EXD1: variants seen among roughly 807,000 people sequenced by gnomAD.
EXD1 encodes piRNA biogenesis protein EXD1.
A neutral mutation model predicts 49.1 loss-of-function variants in EXD1; 63 were observed. That is an observed-to-expected ratio of 1.28 (90% CI 1.05 to 1.58). EXD1 has a LOEUF of 1.58. Ranked by LOEUF, EXD1 falls within the 40% of genes most tolerant of loss-of-function variation. The pLI, the probability that EXD1 is intolerant of heterozygous loss-of-function variation, is 0.00. For synonymous variants in EXD1, 234 were observed against 239.2 expected, an observed-to-expected ratio of 0.98 and a Z score of 0.20; for missense variants, 748 against 666.0, an observed-to-expected ratio of 1.12 and a Z score of -1.36.
chr15:41,215,070 C>T (rs947102469), intron 6 of EXD1, among the ~76,000 whole-genome samples: 1 of 152,146 alleles, frequency 6.6e-6, no homozygotes, highest in East Asian at 1.9e-4. Flanking sequence ...TTGATATCTA[C>T]ATGGCTCCCT....
At chr15:41,191,797 G>C (rs968156700) in intron 9 of EXD1, among the ~76,000 whole-genome samples, 1 of 150,220 alleles carries the variant, frequency 6.7e-6, no homozygotes, top group Non-Finnish European at 1.5e-5. Flanking sequence ...TTTTTTTTGA[G>C]GTGGAGTCTC....
chr15:41,226,494 C>G lies in EXD1; in HGVS notation c.82G>C (p.Glu28Gln), dbSNP rs781573282. ...VKLTLVCGVF[E>Q]GVLQHVDPNK... is the part of the protein sequence containing the mutation. ...GGGTCAACATGCTGAAGCACACCCT[C>G]GAAGACACCACAGACCAATGTGAGT... The change falls in exon 2 of 12, where the codon GAG becomes CAG. Residue 28 changes from glutamate to glutamine, a missense_variant. Coordinates refer to ENST00000458580, the MANE Select transcript of EXD1 (RefSeq NM_001286441.2). 8 of 1,536,040 alleles carry G rather than the reference C, an allele frequency of 5.2e-6. No individual in the cohort carries two copies. The South Asian group carries it at 9.5e-5, about 18-fold the overall frequency.
At chr15:41,200,378 T>C (rs1292641805) in intron 7 of EXD1, among the ~76,000 whole-genome samples, 1 of 151,940 alleles carries the variant, frequency 6.6e-6, no homozygotes, top group African/African-American at 2.4e-5. Flanking sequence ...CAAAAATTAG[T>C]TGGGCGTGGT....
intron 11 of EXD1, among the ~76,000 whole-genome samples, chr15:41,188,483 C>T (rs2046451340): frequency 6.6e-6 from 1 of 151,932 alleles, no homozygotes; most frequent in Admixed American, 6.6e-5. Flanking sequence ...ACCCCTACCT[C>T]CTGGGTTCAA....
chr15:41,228,977 GA>G (rs1353236635), intron 1 of EXD1, among the ~76,000 whole-genome samples: 5 of 152,150 alleles, frequency 3.3e-5, no homozygotes, highest in African/African-American at 1.2e-4. Context: ...GATTAGGAAG[GA>G]AAAAAGTAAG....
intron 7 of EXD1, among the ~76,000 whole-genome samples, chr15:41,197,814 T>A (rs11070321): frequency 6.2e-5 from 9 of 144,820 alleles, no homozygotes; most frequent in Admixed American, 2.7e-4. Flanking sequence ...TTAATAGAGA[T>A]GGGGTTTCAC....
chr15:41,195,752 A>C, intron 9 of EXD1, 23 bp downstream of exon 9: 2 of 1,602,156 alleles, frequency 1.2e-6, no homozygotes, highest in Non-Finnish European at 1.7e-6. Context: ...ACTGGTTTGA[A>C]TCCAGTGCTT....
In EXD1 at chr15:41,226,622, C is replaced by A. The variant is rs1004434848; in HGVS notation, c.-47G>T. On this transcript the variant is annotated 5_prime_UTR_variant, in exon 2 of 12. Coordinates refer to ENST00000458580, the MANE Select transcript of EXD1 (RefSeq NM_001286441.2). ...TCTTCAAATAATCTTCTTTAAGCAT[C>A]CAAACACTTGAAAATTAATAAAGAG... is the stretch of plus-strand genomic sequence containing the variant. The A allele has an allele frequency of 1.6e-5, 24 of 1,493,270 alleles. No homozygotes were observed. The highest frequency in any genetic ancestry group is 2.1e-5 in the Non-Finnish European group (24 of 1,127,994). The allele number at this position is 1,493,270 out of a possible 1,614,324, so 92.5% of individuals were successfully genotyped here.
chr15:41,184,182 T>A lies in EXD1; in HGVS notation c.1468A>T (p.Thr490Ser). ...CTTGCCTGAAACTCATGTTTGGGTG[T>A]CATAAAGTGTTCTTTCTGAGTTATT... ...QRITQKEHFM[T>S]PKHEFQASLS... is the part of the protein sequence containing the mutation. Residue 490 changes from threonine (T) to serine (S), a missense_variant, in exon 12 of 12, where the codon ACA (threonine) becomes TCA (serine). Coordinates refer to ENST00000458580, the MANE Select transcript of EXD1 (RefSeq NM_001286441.2). The A allele has an allele frequency of 6.2e-7, 1 of 1,614,232 alleles. No individual in the cohort carries two copies. The highest frequency in any genetic ancestry group is 8.5e-7 in the Non-Finnish European group (1 of 1,180,040).
At chr15:41,185,814 C>G (rs763328059) in intron 11 of EXD1, among the ~76,000 whole-genome samples, 1 of 152,160 alleles carries the variant, frequency 6.6e-6, no homozygotes, top group Non-Finnish European at 1.5e-5. Context: ...AGCCACCACA[C>G]CCGGCATCCG....
chr15:41,188,530 C>A (rs759010683), intron 11 of EXD1, among the ~76,000 whole-genome samples: 2 of 151,182 alleles, frequency 1.3e-5, no homozygotes, highest in Non-Finnish European at 3.0e-5. Flanking sequence ...GTAGCTGGGA[C>A]TACAGGTGCC....
intron 9 of EXD1, among the ~76,000 whole-genome samples, chr15:41,194,041 T>G (rs2046572725): frequency 6.9e-6 from 1 of 144,360 alleles, no homozygotes; most frequent in South Asian, 2.3e-4. Context: ...AGACGGAGTC[T>G]TGCTCTCTCT....
At chr15:41,211,780 C>T (rs2046924515) in intron 6 of EXD1, among the ~76,000 whole-genome samples, 1 of 125,954 alleles carries the variant, frequency 7.9e-6, no homozygotes, top group Non-Finnish European at 1.6e-5. Context: ...GGGAACACAA[C>T]AAGACCTCAT....
chr15:41,200,743 C>T (rs2046715720), intron 7 of EXD1, among the ~76,000 whole-genome samples: 1 of 152,108 alleles, frequency 6.6e-6, no homozygotes, highest in African/African-American at 2.4e-5. Context: ...TGGGGTCTGA[C>T]ACTATTTCCA....
At chr15:41,196,835 A>ATTTTT in intron 7 of EXD1, among the ~76,000 whole-genome samples, 1 of 150,742 alleles carries the variant, frequency 6.6e-6, no homozygotes, top group South Asian at 2.1e-4. Context: ...CCAAAACTTT[A>ATTTTT]TTTTTTTTGA....
Position 41,230,503 on chromosome 15 carries a change from C to A in EXD1, c.-78G>T. On this transcript the variant is annotated 5_prime_UTR_variant, in exon 1 of 12. An upstream open reading frame in the 5' UTR gains an earlier in-frame stop. Transcript: ENST00000458580. The stretch of plus-strand genomic sequence containing the variant: ...CCATAAGCTAGGAATTCACTGTCCT[C>A]CATCGTTAGGGCTTTTTCCTCCGAA... The A allele has an allele frequency of 6.2e-7, 1 of 1,614,156 alleles. No individual in the cohort carries two copies. The highest frequency in any genetic ancestry group is 8.5e-7 in the Non-Finnish European group (1 of 1,179,990).
chr15:41,199,876 T>C (rs1165148958), intron 7 of EXD1, among the ~76,000 whole-genome samples: 2 of 144,696 alleles, frequency 1.4e-5, no homozygotes, highest in Non-Finnish European at 3.0e-5. Context: ...TGTATATATA[T>C]CATATATATA....
chr15:41,225,049 T>A (rs1431601602), intron 2 of EXD1, among the ~76,000 whole-genome samples: 2 of 152,186 alleles, frequency 1.3e-5, no homozygotes, highest in Non-Finnish European at 2.9e-5. Context: ...GAATTGAAGC[T>A]GAGAGTTGTA....
intron 2 of EXD1, among the ~76,000 whole-genome samples, chr15:41,224,961 T>A (rs1483018009): frequency 2.2e-5 from 3 of 134,736 alleles, no homozygotes; most frequent in African/African-American, 1.1e-4. Context: ...GAGCATGACT[T>A]TGTCTTAAAA....
Sources: allele counts gnomAD v4.1 joint callset (sites outside exome capture counted in the v4.1 genomes callset), GRCh38; gene constraint gnomAD v4.1.1; transcripts MANE v1.5; gene names NCBI Gene and HGNC (gene_info 2026-07-23, HGNC 2026-07-21).